The following INTS1 variants were observed in gnomAD, a reference collection of about 807,000 sequenced individuals.
INTS1 encodes integrator complex subunit 1.
Under a neutral mutation model 241.6 loss-of-function variants are expected in INTS1, and 137 were observed. The observed-to-expected ratio is 0.57, with a 90% CI of 0.49 to 0.65. The LOEUF (loss-of-function observed/expected upper bound fraction) is 0.65, where lower values mean the gene tolerates loss of function less well. Ranked by LOEUF, INTS1 falls within the 30% of genes least tolerant of loss-of-function variation. The pLI is 0.00. For missense variants in INTS1, 3,073 were observed against 3,032.2 expected, an observed-to-expected ratio of 1.01 and a Z score of -0.32; for synonymous variants, 1,692 against 1,337.8, an observed-to-expected ratio of 1.26 and a Z score of -5.78.
Position 1,493,662 on chromosome 7 carries a change from G to A in INTS1, c.2068+92C>T. The A allele has an allele frequency of 7.0e-7, 1 of 1,435,432 alleles. No individual in the cohort carries two copies. The highest frequency in any genetic ancestry group is 1.5e-5 in the South Asian group (1 of 68,504). The allele number at this position is 1,435,432 out of a possible 1,614,324, so 88.9% of individuals were successfully genotyped here. A position where few individuals can be genotyped will look rare whatever the true frequency, so the allele number is the denominator to read the frequency against. ...GACCCAGCTGAAGCGCAGCTTTGTG[G>A]AGCGCCCCAGAGGTGCGTGCCAGAG... On this transcript the variant is annotated intron_variant, in intron 15 of 47. Transcript: ENST00000404767. The surrounding 1 kb of genome is among the most constrained non-coding windows in gnomAD (Gnocchi z 5.3).
intron 16 of INTS1, 117 bp from the exon 17 acceptor site, chr7:1,489,799 G>T: frequency 1.4e-6 from 1 of 692,148 alleles, no homozygotes; most frequent in African/African-American, 1.8e-5. Context: ...CTCCTCCCGG[G>T]ACTGCCCTCC....
rs757735006 is a variant in INTS1 at position 1,477,755 on chromosome 7, G to A, written c.4812C>T (p.Gly1604=). ...CCGTGTGCAGCACCCCAGCTCACCT[G>A]CCACCGTCCGCACCCGGCTTCCCCC... The part of the protein sequence containing the change: ...LAGGKPGADG[G]SLEAVRLGPS... Residue 1604 remains glycine (G), a splice_region_variant and synonymous_variant, in exon 34 of 48, where the codon GGC becomes GGT. Coordinates refer to ENST00000404767, the MANE Select transcript of INTS1 (RefSeq NM_001080453.3). 2.0e-5 allele frequency: 32 copies of A among 1,612,004 alleles called. No individual in the cohort carries two copies. In the East Asian group the frequency reaches 6.7e-4, roughly 34 times the overall value.
chr7:1,479,362 C>T (rs1781883059), intron 31 of INTS1, 68 bp downstream of exon 31: 32 of 1,504,932 alleles, frequency 2.1e-5, no homozygotes, highest in South Asian at 7.3e-5. Flanking sequence ...ACAGGACACC[C>T]GGGCCGTCCT....
chr7:1,476,972 T>C, intron 35 of INTS1, 54 bp from the exon 36 acceptor site: 15 of 1,565,676 alleles, frequency 9.6e-6, no homozygotes, highest in Non-Finnish European at 1.2e-5. Flanking sequence ...TGGCAGGCTC[T>C]GCTGAAGTCA....
At chr7:1,492,016 A>G (rs541327246) in intron 16 of INTS1, among the ~76,000 whole-genome samples, 6 of 152,334 alleles carry the variant, frequency 3.9e-5, no homozygotes, top group African/African-American at 9.6e-5. Context: ...GGAGACTAGG[A>G]ACCGTCACTC....
At position 1,487,550 on chromosome 7, in the gene INTS1, CGAGA is replaced by C; in HGVS notation, c.2517-105_2517-102del. The C allele has an allele frequency of 3.5e-6, 5 of 1,444,270 alleles. No individual in the cohort carries two copies. In the South Asian group the frequency reaches 5.3e-5, roughly 15 times the overall value. 89.5% of individuals were successfully genotyped at this position (1,444,270 alleles called of 1,614,324 possible). Reference sequence around the variant, plus strand: ...CTGCTTCGAGGGGCAGCCGACAGCCCGAGACGGGCAACCCATCCTGACCTGGGAT... The same window carrying C: ...CTGCTTCGAGGGGCAGCCGACAGCCCCGGGCAACCCATCCTGACCTGGGAT... On this transcript the variant is annotated intron_variant, in intron 19 of 47. Coordinates refer to ENST00000404767, the MANE Select transcript of INTS1 (RefSeq NM_001080453.3).
intron 22 of INTS1, 54 bp from the exon 23 acceptor site, chr7:1,485,523 C>T (rs1194270842): frequency 5.1e-6 from 8 of 1,563,444 alleles, no homozygotes; most frequent in Non-Finnish European, 6.9e-6. Flanking sequence ...GGCAGGGTCT[C>T]ACCCTGGCCC....
chr7:1,474,794 G>A lies in INTS1; in HGVS notation c.5547C>T (p.Thr1849=), dbSNP rs1781634383. Reference sequence around the variant, plus strand: ...GGTTCTCCAACGCCCGGGAGTCGCTGGTGTCCGCAAGGAGCGTGATGAAGC... The same window carrying A: ...GGTTCTCCAACGCCCGGGAGTCGCTAGTGTCCGCAAGGAGCGTGATGAAGC... ...IHRFITLLAD[T]SDSRALENRG... Residue 1849 remains threonine (T), a synonymous_variant, in exon 40 of 48, where the codon ACC becomes ACT. Transcript: ENST00000404767. The A allele has an allele frequency of 1.3e-6, 2 of 1,587,866 alleles. No individual in the cohort carries two copies. Among genetic ancestry groups the A allele is most frequent in the East Asian group, 2.3e-5 (1 of 43,600 alleles).
intron 10 of INTS1, among the ~76,000 whole-genome samples, chr7:1,498,086 G>T (rs527792369): frequency 2.6e-5 from 4 of 152,162 alleles, no homozygotes; most frequent in Non-Finnish European, 5.9e-5. Flanking sequence ...TCCAAAGGCA[G>T]GAATGAGCTT....
chr7:1,489,087 G>A lies in INTS1; in HGVS notation c.2318+257C>T, dbSNP rs114681606. Reference sequence around the variant, plus strand: ...TCGGCAGCATAAGCGCTGCCCAGAAGAGCTGGGGGTGCCTGCGGACCTCCC... The same window carrying A: ...TCGGCAGCATAAGCGCTGCCCAGAAAAGCTGGGGGTGCCTGCGGACCTCCC... On this transcript the variant is annotated intron_variant, in intron 18 of 47. Transcript: ENST00000404767. Among the ~76,000 whole-genome samples the A allele has an allele frequency of 3.9e-3, 587 of 152,316 alleles. 3 individuals are homozygous for A. Among genetic ancestry groups the A allele is most frequent in the African/African-American group, 0.014 (563 of 41,574 alleles).
In INTS1 at chr7:1,482,681, G is replaced by C. The variant is rs1199059452; in HGVS notation, c.3568C>G (p.Leu1190Val). 6.2e-7 allele frequency: 1 copy of C among 1,612,756 alleles called. No individual in the cohort carries two copies. The highest frequency in any genetic ancestry group is 1.3e-5 in the African/African-American group (1 of 75,072). Reference protein sequence around the residue: ...RADDSEFQALLDIWFPEEKPL... With the variant: ...RADDSEFQALVDIWFPEEKPL... ...TTCTCCTCCGGAAACCAGATGTCCA[G>C]CAGCGCCTGGAACTCGCTGTCGTCG... The change falls in exon 27 of 48, where the codon CTG becomes GTG. Residue 1190 changes from leucine to valine, a missense_variant. By Grantham distance (32) the Leu-to-Val change is conservative (BLOSUM62 1). Transcript: ENST00000404767.
rs1562488108 is a variant in INTS1 at position 1,476,430 on chromosome 7, C to A, written c.5177G>T (p.Arg1726Leu). 6.4e-7 allele frequency: 1 copy of A among 1,568,602 alleles called. No individual in the cohort carries two copies. Among genetic ancestry groups the A allele is most frequent in the Non-Finnish European group, 8.6e-7 (1 of 1,162,412 alleles). ...PQKRREELVL[R>L]VQGPELISLV... ...GCTGATGAGCTCCGGGCCCTGGACCCGCAGCACCAGCTCCTCCCGCCGCTT... is the reference window on the plus strand; with the variant it reads ...GCTGATGAGCTCCGGGCCCTGGACCAGCAGCACCAGCTCCTCCCGCCGCTT... The change falls in exon 38 of 48, where the codon CGG becomes CTG. Residue 1726 changes from arginine to leucine, a missense_variant. Transcript: ENST00000404767.
In INTS1 at chr7:1,482,562, G is replaced by A. The variant is rs1782047887; in HGVS notation, c.3687C>T (p.Leu1229=). 1.9e-6 allele frequency: 3 copies of A among 1,609,936 alleles called. No individual in the cohort carries two copies. The highest frequency in any genetic ancestry group is 1.3e-5 in the African/African-American group (1 of 74,884). Residue 1229 remains leucine (L), a synonymous_variant, in exon 27 of 48, where the codon CTC becomes CTT. Transcript: ENST00000404767. Reference sequence around the variant, plus strand: ...GGACCGTACCGGCGTCCACCAGGCGGAGCACCTCAGAACGGATCATGCGCA... The same window carrying A: ...GGACCGTACCGGCGTCCACCAGGCGAAGCACCTCAGAACGGATCATGCGCA... ...LKLRMIRSEV[L]RLVDAALQDL... is the part of the protein sequence containing the mutation.
At chr7:1,489,431 G>A in intron 17 of INTS1, 27 bp from the exon 18 acceptor site, 2 of 1,596,320 alleles carry the variant, frequency 1.3e-6, no homozygotes, top group Non-Finnish European at 1.7e-6. Flanking sequence ...TGTGGGGCTG[G>A]CCAGGCTCCC....
rs772065504 is a variant in INTS1 at position 1,481,275 on chromosome 7, A to G, written c.3850+67T>C. 6.3e-7 allele frequency: 1 copy of G among 1,592,632 alleles called. No individual in the cohort carries two copies. Among genetic ancestry groups the G allele is most frequent in the African/African-American group, 1.3e-5 (1 of 74,644 alleles). On this transcript the variant is annotated intron_variant, in intron 28 of 47. Coordinates refer to ENST00000404767, the MANE Select transcript of INTS1 (RefSeq NM_001080453.3). This position sits in a 1 kb window ranked among gnomAD's most constrained non-coding sequence, Gnocchi z 6.8. ...CCCACCCGCTCGCACCCAGGCCCCAAAAGCCTGGCCGGGCTGGGGCTCGGT... is the reference window on the plus strand; with the variant it reads ...CCCACCCGCTCGCACCCAGGCCCCAGAAGCCTGGCCGGGCTGGGGCTCGGT...
In INTS1 at chr7:1,471,241, T is replaced by C. The variant is rs145603469; in HGVS notation, c.6256-17A>G. The C allele has an allele frequency of 6.0e-5, 93 of 1,562,606 alleles. No homozygotes were observed. Among genetic ancestry groups the C allele is most frequent in the Non-Finnish European group, 7.7e-5 (89 of 1,154,356 alleles). On this transcript the variant is annotated splice_polypyrimidine_tract_variant and intron_variant, in intron 45 of 47. Coordinates refer to ENST00000404767, the MANE Select transcript of INTS1 (RefSeq NM_001080453.3). ...CAGGTTGGTCTGACCGGGGGAAAGGTGGGAGGTGTGTGACCAAGGGGTCCA... is the reference window on the plus strand; with the variant it reads ...CAGGTTGGTCTGACCGGGGGAAAGGCGGGAGGTGTGTGACCAAGGGGTCCA...
intron 41 of INTS1, 87 bp downstream of exon 41, chr7:1,474,081 C>T: frequency 7.1e-7 from 1 of 1,401,240 alleles, no homozygotes; most frequent in South Asian, 1.4e-5. Context: ...GAGGTCCTCC[C>T]AGTCCCTCCG....
At position 1,477,762 on chromosome 7, in the gene INTS1, T is replaced by C; in HGVS notation, c.4805A>G (p.Asp1602Gly). Residue 1602 changes from aspartate to glycine, a missense_variant, in exon 34 of 48, where the codon GAC (aspartate) becomes GGC (glycine). Asp to Gly is a moderately conservative substitution (Grantham distance 94). Coordinates refer to ENST00000404767, the MANE Select transcript of INTS1 (RefSeq NM_001080453.3). ...CAGCACCCCAGCTCACCTGCCACCG[T>C]CCGCACCCGGCTTCCCCCCAGCCAG... The part of the protein sequence containing the change: ...EPLAGGKPGA[D>G]GGSLEAVRLG... 2.5e-6 allele frequency: 4 copies of C among 1,612,210 alleles called. No individual in the cohort carries two copies. Among genetic ancestry groups the C allele is most frequent in the Non-Finnish European group, 3.4e-6 (4 of 1,179,720 alleles).
intron 16 of INTS1, 118 bp downstream of exon 16, chr7:1,492,892 C>T (rs1361775885): frequency 7.6e-6 from 4 of 524,692 alleles, no homozygotes; most frequent in South Asian, 2.3e-5. Flanking sequence ...GAGTGGGGAG[C>T]GGGGCGCAGG....
Sources: allele counts gnomAD v4.1 joint callset (sites outside exome capture counted in the v4.1 genomes callset), GRCh38; gene constraint gnomAD v4.1.1; non-coding constraint Gnocchi (gnomAD v3.1); transcripts MANE v1.5; gene names NCBI Gene and HGNC (gene_info 2026-07-23, HGNC 2026-07-21).